Variants in PCDHGA3 observed in about 807,000 individuals in gnomAD.
PCDHGA3 encodes the protein protocadherin gamma subfamily A, 3.
In PCDHGA3, 40 loss-of-function variants were observed where a neutral mutation model predicts 58.5. The ratio of observed to expected loss-of-function variants is 0.68; its 90% CI spans 0.53 to 0.89. The LOEUF (loss-of-function observed/expected upper bound fraction) is 0.89. Among genes scored for constraint, PCDHGA3 ranks in the 40% least tolerant of loss-of-function variants. The pLI is 0.00. For synonymous variants in PCDHGA3, 530 were observed against 525.7 expected, an observed-to-expected ratio of 1.01 and a Z score of -0.11; for missense variants, 1,223 against 1,195.9, an observed-to-expected ratio of 1.02 and a Z score of -0.33.
At position 141,433,069 on chromosome 5, in the gene PCDHGA3, C is replaced by G. The variant is rs561950316; in HGVS notation, c.2425-61738C>G. The G allele has an allele frequency of 3.1e-6, 5 of 1,614,200 alleles. No homozygotes were observed. In the Admixed American group the frequency reaches 8.3e-5, roughly 27 times the overall value. Reference sequence around the variant, plus strand: ...ACTCGCGGAAGAGTCACCTGATCTTCCCCCAGCCCAACTATGCAGACATGC... The same window carrying G: ...ACTCGCGGAAGAGTCACCTGATCTTGCCCCAGCCCAACTATGCAGACATGC... On this transcript the variant is annotated intron_variant, in intron 1 of 3. Coordinates refer to ENST00000253812, the MANE Select transcript of PCDHGA3 (RefSeq NM_018916.4).
intron 1 of PCDHGA3, among the ~76,000 whole-genome samples, chr5:141,368,835 T>C (rs1765886415): frequency 6.6e-6 from 1 of 152,190 alleles, no homozygotes; most frequent in African/African-American, 2.4e-5. Flanking sequence ...CTTGGCATTG[T>C]GTTGGAAGGC....
At chr5:141,426,963 C>G (rs1008659501) in intron 1 of PCDHGA3, 1 of 456,646 alleles carries the variant, frequency 2.2e-6, no homozygotes, top group African/African-American at 2.0e-5. Flanking sequence ...TGCTGCAATT[C>G]AAATTGAGGT....
At chr5:141,422,229 G>C in intron 1 of PCDHGA3, 4 of 1,565,880 alleles carry the variant, frequency 2.6e-6, no homozygotes, top group Non-Finnish European at 3.4e-6. Flanking sequence ...CCACGACGAT[G>C]TTGATCACTG....
intron 3 of PCDHGA3, among the ~76,000 whole-genome samples, chr5:141,510,204 C>T (rs1403130911): frequency 1.3e-5 from 2 of 150,304 alleles, no homozygotes; most frequent in Admixed American, 1.3e-4. Flanking sequence ...GCCCAGGAGG[C>T]AGAGGTTGCA....
At chr5:141,356,013 A>C (rs776571171) in intron 1 of PCDHGA3, 1 of 1,613,968 alleles carries the variant, frequency 6.2e-7, no homozygotes, top group East Asian at 2.2e-5. Flanking sequence ...ATCCAGATGA[A>C]GGAGCCAATG....
rs758579068 is a variant in PCDHGA3, at chr5:141,485,232, T to C, written c.2425-9575T>C. 6.2e-7 allele frequency: 1 copy of C among 1,614,136 alleles called. No individual in the cohort carries two copies. The highest frequency in any genetic ancestry group is 8.5e-7 in the Non-Finnish European group (1 of 1,180,016). Reference sequence around the variant, plus strand: ...TGGCGGTGGGCTACCCTTTTGTTCCTCTTTTACCACCTGGGTTACGTTTGT... The same window carrying C: ...TGGCGGTGGGCTACCCTTTTGTTCCCCTTTTACCACCTGGGTTACGTTTGT... On this transcript the variant is annotated intron_variant, in intron 1 of 3. Coordinates refer to ENST00000253812, the MANE Select transcript of PCDHGA3 (RefSeq NM_018916.4). This position sits in a 1 kb window ranked among gnomAD's most constrained non-coding sequence, Gnocchi z 5.7.
chr5:141,405,758 G>A (rs533667979), intron 1 of PCDHGA3, among the ~76,000 whole-genome samples: 8 of 152,246 alleles, frequency 5.3e-5, no homozygotes, highest in South Asian at 2.1e-4. Context: ...GATTACAGGC[G>A]TGAGCCACTG....
chr5:141,344,195 A>G lies in PCDHGA3; in HGVS notation c.162A>G (p.Leu54=), dbSNP rs1331215217. 5 of 1,614,034 alleles carry G rather than the reference A, an allele frequency of 3.1e-6. No homozygotes were observed. Among genetic ancestry groups the G allele is most frequent in the Admixed American group, 1.7e-5 (1 of 60,030 alleles). The stretch of plus-strand genomic sequence containing the variant: ...GCAACATCGCTAACGACCTGGGGCT[A>G]GAGCCCCGGGAGCTGGCGGAGCGCG... ...FVGNIANDLG[L]EPRELAERGV... Residue 54 remains leucine (L), a synonymous_variant, in exon 1 of 4, where the codon CTA becomes CTG. Transcript: ENST00000253812.
At chr5:141,467,131 C>A (rs1441537783) in intron 1 of PCDHGA3, among the ~76,000 whole-genome samples, 1 of 151,702 alleles carries the variant, frequency 6.6e-6, no homozygotes, top group African/African-American at 2.4e-5. Flanking sequence ...CAGCTCACTG[C>A]AACCTCTGCC....
At chr5:141,438,053 C>T (rs1023159995) in intron 1 of PCDHGA3, among the ~76,000 whole-genome samples, 2 of 152,112 alleles carry the variant, frequency 1.3e-5, no homozygotes, top group African/African-American at 4.8e-5. Context: ...TTTGAGTTCA[C>T]TTTTAAGAAA....
chr5:141,376,309 C>G, intron 1 of PCDHGA3: 1 of 1,614,148 alleles, frequency 6.2e-7, no homozygotes, highest in Non-Finnish European at 8.5e-7. Flanking sequence ...ACTTTGTGGG[C>G]GTGGAAGGGG....
chr5:141,500,498 C>T (rs1487770160), intron 2 of PCDHGA3, among the ~76,000 whole-genome samples: 5 of 152,120 alleles, frequency 3.3e-5, no homozygotes, highest in African/African-American at 7.2e-5. Context: ...CGTGAGCCAC[C>T]GCGCCTGGCC....
chr5:141,357,248 A>G (rs750346912), intron 1 of PCDHGA3: 1 of 1,613,188 alleles, frequency 6.2e-7, no homozygotes, highest in South Asian at 1.1e-5. Context: ...CCTTCAGCAG[A>G]CCCAGACGAC....
intron 1 of PCDHGA3, chr5:141,422,628 C>A: frequency 6.2e-7 from 1 of 1,613,410 alleles, no homozygotes; most frequent in Non-Finnish European, 8.5e-7. Context: ...AAAACAACCC[C>A]AGGGGTGCCT....
At chr5:141,501,016 G>A (rs1042009106) in intron 2 of PCDHGA3, among the ~76,000 whole-genome samples, 7 of 151,716 alleles carry the variant, frequency 4.6e-5, no homozygotes, top group Non-Finnish European at 1.0e-4. Context: ...CTACAGGCAC[G>A]CGCCACCACG....
At chr5:141,371,614 A>T in intron 1 of PCDHGA3, 2 of 1,614,024 alleles carry the variant, frequency 1.2e-6, no homozygotes, top group Non-Finnish European at 1.7e-6. Context: ...TTGGTGACAG[A>T]TGGAGCCCTG....
At position 141,454,263 on chromosome 5, in the gene PCDHGA3, T is replaced by C. The variant is rs954231508; in HGVS notation, c.2425-40544T>C. Among the ~76,000 whole-genome samples, 42 of 152,140 alleles carry C rather than the reference T, an allele frequency of 2.8e-4. 1 individual carries two copies. Among genetic ancestry groups the C allele is most frequent in the South Asian group, 1.0e-3 (5 of 4,826 alleles). On this transcript the variant is annotated intron_variant, in intron 1 of 3. Coordinates refer to ENST00000253812, the MANE Select transcript of PCDHGA3 (RefSeq NM_018916.4). Reference sequence around the variant, plus strand: ...GATGAAGATGTCCCAGAGAAAGTAATGCCAGCAAAAACTTCACATTAAAGG... The same window carrying C: ...GATGAAGATGTCCCAGAGAAAGTAACGCCAGCAAAAACTTCACATTAAAGG...
chr5:141,350,009 C>A, intron 1 of PCDHGA3: 1 of 354,652 alleles, frequency 2.8e-6, no homozygotes. Context: ...AAGCTGGGCC[C>A]TGTGCAGTTT....
intron 1 of PCDHGA3, chr5:141,361,230 G>T: frequency 6.2e-7 from 1 of 1,613,982 alleles, no homozygotes; most frequent in Non-Finnish European, 8.5e-7. Flanking sequence ...CAGGAACAGT[G>T]ATCGCCTTGA....
Sources: gnomAD v4.1 joint callset for allele counts (sites outside exome capture counted in the v4.1 genomes callset) on GRCh38, gnomAD v4.1.1 for gene constraint, Gnocchi (gnomAD v3.1) non-coding constraint, MANE v1.5 for transcripts, NCBI Gene and HGNC (gene_info 2026-07-23, HGNC 2026-07-21) for gene names.